The following GRID2 variants were observed in gnomAD, a reference collection of about 807,000 sequenced individuals.
The protein encoded by GRID2 is glutamate receptor ionotropic, delta-2.
GRID2 carries 33 observed loss-of-function variants against 114.8 expected under a neutral mutation model. The observed-to-expected ratio is 0.29, with a 90% CI of 0.22 to 0.38. The LOEUF (loss-of-function observed/expected upper bound fraction) is 0.38. GRID2 is among the 10% of genes least tolerant of loss of function. The pLI is 1.00. For missense variants in GRID2, 1,184 were observed against 1,257.7 expected (o/e 0.94, Z 0.89); for synonymous variants, 505 against 449.9 (o/e 1.12, Z -1.55).
chr4:92,913,795 G>A (rs2124622), intron 2 of GRID2, among the ~76,000 whole-genome samples: 85,556 of 151,626 alleles, frequency 0.56, 25,343 homozygotes, highest in Middle Eastern at 0.75. Flanking sequence ...AAGTCACTCA[G>A]TATACCAGAG....
intron 13 of GRID2, among the ~76,000 whole-genome samples, chr4:93,608,500 C>A (rs185531623): frequency 6.9e-6 from 1 of 145,948 alleles, no homozygotes; most frequent in Admixed American, 6.8e-5. Context: ...TGTGATATTC[C>A]CCTTCCTGTG....
intron 14 of GRID2, among the ~76,000 whole-genome samples, chr4:93,712,364 A>G (rs932145745): frequency 6.6e-5 from 10 of 152,230 alleles, no homozygotes; most frequent in African/African-American, 2.4e-4. Context: ...AAATTACACT[A>G]TCATCATAGT....
chr4:93,057,092 G>A (rs894122664), intron 2 of GRID2, among the ~76,000 whole-genome samples: 1 of 151,590 alleles, frequency 6.6e-6, no homozygotes. Context: ...CTATATAATT[G>A]AAGAGAAACT....
intron 2 of GRID2, among the ~76,000 whole-genome samples, chr4:92,641,163 G>A (rs1402258573): frequency 6.6e-6 from 1 of 151,642 alleles, no homozygotes; most frequent in Non-Finnish European, 1.5e-5. Flanking sequence ...GTATGGAGGA[G>A]ATGAACATAC....
At chr4:92,757,060 C>A (rs1391056521) in intron 2 of GRID2, among the ~76,000 whole-genome samples, 1 of 151,932 alleles carries the variant, frequency 6.6e-6, no homozygotes, top group Non-Finnish European at 1.5e-5. Flanking sequence ...CTTATGCTTT[C>A]TTCTAGTAGT....
intron 1 of GRID2, among the ~76,000 whole-genome samples, chr4:92,444,688 GT>G (rs1733352481): frequency 6.6e-6 from 1 of 152,096 alleles, no homozygotes; most frequent in African/African-American, 2.4e-5. Flanking sequence ...AAAAGGGGGC[GT>G]TTGTCTTCTC....
At chr4:93,697,868 T>C (rs1409495051) in intron 14 of GRID2, among the ~76,000 whole-genome samples, 1 of 135,656 alleles carries the variant, frequency 7.4e-6, no homozygotes, top group Non-Finnish European at 1.6e-5. Flanking sequence ...CCACAATGTG[T>C]GTATATATAT....
chr4:92,693,429 T>C (rs985717556), intron 2 of GRID2, among the ~76,000 whole-genome samples: 5 of 152,228 alleles, frequency 3.3e-5, no homozygotes, highest in African/African-American at 1.2e-4. Flanking sequence ...GTTTTTCCAG[T>C]TTTCCACTTT....
At chr4:92,540,050 A>T (rs951176812) in intron 1 of GRID2, among the ~76,000 whole-genome samples, 3 of 152,194 alleles carry the variant, frequency 2.0e-5, no homozygotes, top group Non-Finnish European at 4.4e-5. Context: ...TGGGGAAAGG[A>T]TTCCCTATTT....
At chr4:92,832,250 G>A (rs1415331150) in intron 2 of GRID2, among the ~76,000 whole-genome samples, 1 of 151,834 alleles carries the variant, frequency 6.6e-6, no homozygotes, top group Non-Finnish European at 1.5e-5. Flanking sequence ...GACCAGCCTG[G>A]CCACCAAGAT....
intron 2 of GRID2, among the ~76,000 whole-genome samples, chr4:92,741,124 A>G (rs149352161): frequency 1.3e-5 from 2 of 152,120 alleles, no homozygotes; most frequent in African/African-American, 4.8e-5. Flanking sequence ...AGGACACCTA[A>G]GTTCAAATTA....
intron 4 of GRID2, among the ~76,000 whole-genome samples, chr4:93,166,592 C>A (rs1738272023): frequency 6.6e-6 from 1 of 152,168 alleles, no homozygotes; most frequent in Non-Finnish European, 1.5e-5. Flanking sequence ...ATAGAACTAT[C>A]TGGAGTATAA....
chr4:93,772,143 G>T lies in GRID2; in HGVS notation c.2669G>T (p.Ser890Ile), dbSNP rs1280885512. Residue 890 changes from serine (S) to isoleucine (I), a missense_variant, in exon 16 of 16, where the codon AGC becomes ATC. Ser to Ile is a moderately radical substitution (Grantham distance 142). Coordinates refer to ENST00000282020, the MANE Select transcript of GRID2 (RefSeq NM_001510.4). ...RVNSLCTDDD[S>I]PHKQFSTSSI... ...AATAGCTTGTGCACAGATGACGACA[G>T]CCCCCATAAACAGTTTTCCACCTCG... 1.2e-6 allele frequency: 2 copies of T among 1,612,472 alleles called. No homozygotes were observed. The highest frequency in any genetic ancestry group is 2.7e-5 in the African/African-American group (2 of 74,942).
chr4:93,478,538 G>T (rs1025824751), intron 11 of GRID2, among the ~76,000 whole-genome samples: 1 of 150,890 alleles, frequency 6.6e-6, no homozygotes, highest in Non-Finnish European at 1.5e-5. Flanking sequence ...ATGTATAAAA[G>T]AATTCTATTA....
chr4:93,291,324 A>G (rs1753738779), intron 8 of GRID2, among the ~76,000 whole-genome samples: 1 of 152,168 alleles, frequency 6.6e-6, no homozygotes, highest in Admixed American at 6.5e-5. Context: ...CAAGGTTGCA[A>G]TTTTGATTTT....
chr4:92,758,685 A>G (rs973788983), intron 2 of GRID2, among the ~76,000 whole-genome samples: 5 of 152,150 alleles, frequency 3.3e-5, no homozygotes, highest in Non-Finnish European at 7.4e-5. Context: ...TGTTAGCAGT[A>G]ATTACACCAC....
chr4:93,401,855 A>G (rs1765923358), intron 9 of GRID2, among the ~76,000 whole-genome samples: 1 of 152,060 alleles, frequency 6.6e-6, no homozygotes, highest in South Asian at 2.1e-4. Flanking sequence ...ACAGCCACCT[A>G]CTGAGTTATC....
intron 5 of GRID2, among the ~76,000 whole-genome samples, chr4:93,215,600 A>C (rs772248396): frequency 5.9e-5 from 9 of 152,074 alleles, no homozygotes; most frequent in Non-Finnish European, 1.3e-4. Context: ...AAATGCCCAG[A>C]AATCCAGGCT....
At chr4:93,103,432 T>C (rs986879319) in intron 3 of GRID2, among the ~76,000 whole-genome samples, 5 of 152,068 alleles carry the variant, frequency 3.3e-5, no homozygotes, top group Non-Finnish European at 7.4e-5. Flanking sequence ...AAATAGTAAC[T>C]AAAACAATGA....
Sources: allele counts gnomAD v4.1 joint callset (sites outside exome capture counted in the v4.1 genomes callset), GRCh38; gene constraint gnomAD v4.1.1; transcripts MANE v1.5; gene names NCBI Gene and HGNC (gene_info 2026-07-23, HGNC 2026-07-21).